Variants in KPNA7 observed in about 807,000 individuals in gnomAD.
KPNA7 encodes the protein importin subunit alpha-8.
KPNA7 carries 54 observed loss-of-function variants against 53.7 expected under a neutral mutation model. The ratio of observed to expected loss-of-function variants is 1.01; its 90% confidence interval spans 0.81 to 1.26. The LOEUF is 1.26. Ranked by LOEUF, KPNA7 falls within the 50% of genes most tolerant of loss-of-function variation. The pLI is 0.00. For synonymous variants in KPNA7, 276 were observed against 259.3 expected, an observed-to-expected ratio of 1.06 and a Z score of -0.62; for missense variants, 640 against 644.5, an observed-to-expected ratio of 0.99 and a Z score of 0.07.
At chr7:99,182,611 A>G (rs576887395) in intron 8 of KPNA7, among the ~76,000 whole-genome samples, 2 of 152,120 alleles carry the variant, frequency 1.3e-5, no homozygotes, top group Non-Finnish European at 2.9e-5. Context: ...TTGGGATTAT[A>G]GGCATGAACC....
chr7:99,200,359 CTCT>C (rs369411393), intron 3 of KPNA7, among the ~76,000 whole-genome samples: 54 of 152,266 alleles, frequency 3.5e-4, no homozygotes, highest in African/African-American at 1.3e-3. Flanking sequence ...CATCACATTG[CTCT>C]TCTTATAAGA....
At chr7:99,167,758 G>T in the KPNA7 span, among the ~76,000 whole-genome samples, 1 of 150,314 alleles carries the variant, frequency 6.7e-6, no homozygotes, top group Non-Finnish European at 1.5e-5. Flanking sequence ...TAGGATTACA[G>T]TCATGAGCCA....
chr7:99,155,891 A>G, the KPNA7 span, among the ~76,000 whole-genome samples: 1 of 152,104 alleles, frequency 6.6e-6, no homozygotes, highest in Non-Finnish European at 1.5e-5. Context: ...CATTAGTATC[A>G]TCTGGCATCT....
At chr7:99,173,097 G>T (rs1798802212), downstream of KPNA7, among the ~76,000 whole-genome samples, 1 of 139,758 alleles carries the variant, frequency 7.2e-6, no homozygotes, top group Non-Finnish European at 1.5e-5. Context: ...AAAAGAAAAA[G>T]TCTGTCCGGA....
the KPNA7 span, among the ~76,000 whole-genome samples, chr7:99,165,322 CAGAG>C: frequency 6.7e-6 from 1 of 148,510 alleles, no homozygotes; most frequent in Non-Finnish European, 1.5e-5. Context: ...AAAAAAGGCT[CAGAG>C]AAAGAGTATG....
At chr7:99,188,174 CAAAAA>C (rs59219718) in intron 7 of KPNA7, 121 bp downstream of exon 7, 259 of 390,518 alleles carry the variant, frequency 6.6e-4, no homozygotes, top group African/African-American at 2.1e-3. Flanking sequence ...GACTCTGTCT[CAAAAA>C]AAAAAAAAAA....
At chr7:99,168,038 G>A in the KPNA7 span, among the ~76,000 whole-genome samples, 2 of 104,184 alleles carry the variant, frequency 1.9e-5, no homozygotes, top group Non-Finnish European at 3.5e-5. Context: ...AAACCAGTCC[G>A]TGGTGTCCAA....
chr7:99,195,277 G>T lies in KPNA7; in HGVS notation c.346C>A (p.Pro116Thr), dbSNP rs888646116. 5.3e-5 allele frequency: 83 copies of T among 1,551,514 alleles called. No homozygotes were observed. Among genetic ancestry groups the T allele is most frequent in the Non-Finnish European group, 6.6e-5 (76 of 1,146,988 alleles). The change falls in exon 5 of 11, where the codon CCC becomes ACC. Residue 116 changes from proline (P) to threonine (T), a missense_variant. Coordinates refer to ENST00000327442, the MANE Select transcript of KPNA7 (RefSeq NM_001145715.3). ...GACTTCAGGAACTCCACCATCCTGGGAATGAGGCCCGCTTCAATGACCAGT... is the reference window on the plus strand; with the variant it reads ...GACTTCAGGAACTCCACCATCCTGGTAATGAGGCCCGCTTCAATGACCAGT... The part of the protein sequence containing the change: ...LKLVIEAGLI[P>T]RMVEFLKSSL...
At chr7:99,190,904 C>T (rs1016748239) in intron 6 of KPNA7, among the ~76,000 whole-genome samples, 2 of 152,036 alleles carry the variant, frequency 1.3e-5, no homozygotes, top group African/African-American at 4.8e-5. Context: ...GACATATACA[C>T]ATATGTCACC....
intron 10 of KPNA7, among the ~76,000 whole-genome samples, chr7:99,175,443 T>C (rs1472034626): frequency 6.6e-6 from 1 of 152,064 alleles, no homozygotes; most frequent in Non-Finnish European, 1.5e-5. Context: ...CTTCCCAAAG[T>C]GCTGCAATTA....
chr7:99,156,960 T>C, the KPNA7 span, among the ~76,000 whole-genome samples: 1 of 148,996 alleles, frequency 6.7e-6, no homozygotes, highest in Admixed American at 6.7e-5. Context: ...TCCCCAAACT[T>C]TCATCTCTTT....
intron 9 of KPNA7, among the ~76,000 whole-genome samples, chr7:99,179,827 G>A (rs1799084925): frequency 2.0e-5 from 3 of 151,792 alleles, no homozygotes; most frequent in Admixed American, 1.3e-4. Context: ...TGCACACCTC[G>A]GCCTCCCAAA....
At chr7:99,173,323 C>G (rs976758130), downstream of KPNA7, among the ~76,000 whole-genome samples, 1 of 152,212 alleles carries the variant, frequency 6.6e-6, no homozygotes, top group Middle Eastern at 3.4e-3. Context: ...TCCCAAATAG[C>G]TGGAATTACA....
intron 10 of KPNA7, among the ~76,000 whole-genome samples, chr7:99,176,297 C>CAAA (rs1491289534): frequency 0.012 from 687 of 56,748 alleles, 5 homozygotes; most frequent in African/African-American, 0.017. Flanking sequence ...GACTACGTCT[C>CAAA]AAAAAAAAAA....
chr7:99,167,084 C>T, the KPNA7 span, among the ~76,000 whole-genome samples: 1 of 152,200 alleles, frequency 6.6e-6, no homozygotes, highest in Non-Finnish European at 1.5e-5. Flanking sequence ...TACAAGGCTC[C>T]CTGATATGAC....
chr7:99,159,348 CAAAAAAAAA>C, the KPNA7 span, among the ~76,000 whole-genome samples: 39 of 58,164 alleles, frequency 6.7e-4, no homozygotes, highest in African/African-American at 1.7e-3. Context: ...GACACTGTCT[CAAAAAAAAA>C]AAAAAAAAAA....
the KPNA7 span, among the ~76,000 whole-genome samples, chr7:99,159,387 A>C: frequency 1.4e-5 from 2 of 147,732 alleles, no homozygotes; most frequent in Non-Finnish European, 3.0e-5. Flanking sequence ...ATAAACTTCC[A>C]GTTCGCTGCC....
chr7:99,146,505 G>A, the KPNA7 span, among the ~76,000 whole-genome samples: 1 of 151,998 alleles, frequency 6.6e-6, no homozygotes, highest in Non-Finnish European at 1.5e-5. Context: ...CCTGCGAGCA[G>A]GAGTTCGAGA....
the KPNA7 span, among the ~76,000 whole-genome samples, chr7:99,156,216 C>G: frequency 9.2e-5 from 14 of 152,152 alleles, no homozygotes; most frequent in Admixed American, 5.2e-4. Flanking sequence ...GAGTTTATAT[C>G]TGAAAATATG....
Sources: allele counts gnomAD v4.1 joint callset (sites outside exome capture counted in the v4.1 genomes callset), GRCh38; gene constraint gnomAD v4.1.1; transcripts MANE v1.5; gene names NCBI Gene and HGNC (gene_info 2026-07-23, HGNC 2026-07-21).